The following TPRG1 variants were observed in gnomAD, a reference collection of about 807,000 sequenced individuals.
The protein encoded by TPRG1 is tumor protein p63 regulated 1.
TPRG1 carries 29 observed loss-of-function variants against 29.3 expected under a neutral mutation model. The observed-to-expected ratio is 0.99, with a 90% CI of 0.74 to 1.35. The LOEUF (loss-of-function observed/expected upper bound fraction) is 1.35, where lower values mean the gene tolerates loss of function less well. Ranked by LOEUF, TPRG1 falls within the 40% of genes most tolerant of loss-of-function variation. TPRG1 has a pLI of 0.00. For missense variants in TPRG1, 327 were observed against 335.0 expected (o/e 0.98, Z 0.19); for synonymous variants, 130 against 116.8 (o/e 1.11, Z -0.73).
chr3:189,038,253 A>C (rs965307175), intron 4 of TPRG1, among the ~76,000 whole-genome samples: 6 of 152,082 alleles, frequency 3.9e-5, no homozygotes, highest in Admixed American at 2.6e-4. Context: ...AATTAAGGTG[A>C]CTATTTTAAT....
chr3:189,181,937 G>A (rs1385406156), intron 1 of TPRG1, among the ~76,000 whole-genome samples: 1 of 152,186 alleles, frequency 6.6e-6, no homozygotes, highest in Non-Finnish European at 1.5e-5. Context: ...CATGGTGGAA[G>A]GCAAGGAGGA....
Position 189,190,025 on chromosome 3 carries a change from A to T in TPRG1, c.-9-17351A>T, listed in dbSNP as rs1028373927. 5.3e-5 allele frequency among the ~76,000 whole-genome samples: 8 copies of T among 152,200 alleles called. 1 individual carries two copies. The highest frequency in any genetic ancestry group is 5.2e-4 in the Admixed American group (8 of 15,276). On this transcript the variant is annotated intron_variant, in intron 1 of 5. Transcript: ENST00000345063. ...AGAGCTTCTCTCATAGTTAACAGGG[A>T]ATACATTTGAGAGTCGCATCATTTA...
At chr3:189,066,635 TA>T (rs111327390) in intron 4 of TPRG1, among the ~76,000 whole-genome samples, 12,076 of 141,792 alleles carry the variant, frequency 0.085, 1,142 homozygotes, top group African/African-American at 0.24. Flanking sequence ...ATAAAAACCT[TA>T]AAAAAAAAAA....
intron 4 of TPRG1, among the ~76,000 whole-genome samples, chr3:189,047,966 A>G (rs1715080251): frequency 6.6e-6 from 1 of 152,192 alleles, no homozygotes; most frequent in Non-Finnish European, 1.5e-5. Flanking sequence ...ACTTATTCCA[A>G]ACTTCTGTTA....
At chr3:189,041,951 A>G (rs1714660737) in intron 4 of TPRG1, among the ~76,000 whole-genome samples, 1 of 152,094 alleles carries the variant, frequency 6.6e-6, no homozygotes, top group South Asian at 2.1e-4. Context: ...GCCTCACCCA[A>G]TAATTTGGAT....
chr3:189,014,873 C>A (rs1712838716), intron 3 of TPRG1, among the ~76,000 whole-genome samples: 1 of 152,080 alleles, frequency 6.6e-6, no homozygotes, highest in Admixed American at 6.6e-5. Context: ...TCAGGTAGTA[C>A]TTTATAGCAG....
At chr3:189,058,310 A>G (rs1163601938) in intron 4 of TPRG1, among the ~76,000 whole-genome samples, 1 of 152,172 alleles carries the variant, frequency 6.6e-6, no homozygotes, top group Non-Finnish European at 1.5e-5. Flanking sequence ...CCTTAAATCC[A>G]TCTCTGACAT....
In TPRG1 at chr3:189,238,791, T is replaced by C. The variant is rs1739986031; in HGVS notation, c.361T>C (p.Leu121=). The change falls in exon 4 of 6, where the codon TTG becomes CTG. Residue 121 remains leucine, a synonymous_variant. Transcript: ENST00000345063. ...RILLVTDKTL[L]ICKYDFIMLS... Reference sequence around the variant, plus strand: ...TCTACTGGTCACAGACAAGACTCTCTTGATCTGCAAATACGACTTCATCAT... The same window carrying C: ...TCTACTGGTCACAGACAAGACTCTCCTGATCTGCAAATACGACTTCATCAT... 3 of 1,613,812 alleles carry C rather than the reference T, an allele frequency of 1.9e-6. No individual in the cohort carries two copies. The East Asian group carries it at 6.7e-5, about 36-fold the overall frequency.
chr3:189,228,595 A>G (rs1186148461), intron 3 of TPRG1, among the ~76,000 whole-genome samples: 2 of 152,210 alleles, frequency 1.3e-5, no homozygotes, highest in African/African-American at 4.8e-5. Context: ...AAAACAAAAA[A>G]GAGGAAAACT....
intron 3 of TPRG1, among the ~76,000 whole-genome samples, chr3:189,019,442 GA>G (rs1409164314): frequency 5.3e-5 from 8 of 152,152 alleles, no homozygotes; most frequent in Admixed American, 1.3e-4. Context: ...TTAGCATGAA[GA>G]GTTGTTGAAT....
At chr3:189,023,032 A>G (rs1359292885) in intron 3 of TPRG1, among the ~76,000 whole-genome samples, 1 of 152,078 alleles carries the variant, frequency 6.6e-6, no homozygotes, top group African/African-American at 2.4e-5. Flanking sequence ...CGGAAAGGGA[A>G]CTCCCTGACC....
intron 1 of TPRG1, among the ~76,000 whole-genome samples, chr3:189,117,557 A>C (rs372806370): frequency 1.3e-5 from 2 of 152,256 alleles, no homozygotes; most frequent in East Asian, 3.9e-4. Flanking sequence ...CTGTGTCCTC[A>C]CCCAAATCTC....
chr3:189,170,218 G>A (rs1728652954), upstream of TPRG1, among the ~76,000 whole-genome samples: 1 of 152,098 alleles, frequency 6.6e-6, no homozygotes, highest in Non-Finnish European at 1.5e-5. Context: ...TATTTGCCTC[G>A]CAATTATTTC....
intron 1 of TPRG1, among the ~76,000 whole-genome samples, chr3:189,116,402 C>T (rs1364485552): frequency 6.6e-6 from 1 of 152,134 alleles, no homozygotes; most frequent in African/African-American, 2.4e-5. Context: ...TGGTGTTGAA[C>T]TCCTGACCTC....
chr3:189,260,603 C>T (rs566763808), intron 4 of TPRG1, among the ~76,000 whole-genome samples: 1 of 152,296 alleles, frequency 6.6e-6, no homozygotes, highest in South Asian at 2.1e-4. Context: ...GCAGGGAGGT[C>T]AGGCCAAGAA....
At chr3:189,068,716 C>T (rs530805442) in intron 4 of TPRG1, among the ~76,000 whole-genome samples, 22 of 151,664 alleles carry the variant, frequency 1.5e-4, no homozygotes, top group East Asian at 3.9e-4. Flanking sequence ...GCGGAGGTTG[C>T]GGTGAGCCGA....
intron 1 of TPRG1, among the ~76,000 whole-genome samples, chr3:189,182,876 T>G (rs1207693684): frequency 6.6e-6 from 1 of 152,214 alleles, no homozygotes; most frequent in African/African-American, 2.4e-5. Flanking sequence ...ATGTATACAT[T>G]GCAAAATGAT....
At chr3:189,217,652 C>T (rs969488810) in intron 3 of TPRG1, among the ~76,000 whole-genome samples, 3 of 152,168 alleles carry the variant, frequency 2.0e-5, no homozygotes, top group Non-Finnish European at 4.4e-5. Context: ...TTGTTAAAAA[C>T]CTCATCGTGG....
At position 189,280,624 on chromosome 3, in the gene TPRG1, T is replaced by C. The variant is rs4541400; in HGVS notation, c.480-29762T>C. On this transcript the variant is annotated intron_variant, in intron 4 of 5. Transcript: ENST00000345063. ...TGCACATGGAGGCCAACAAGAAGCT[T>C]GGGGAAGGTAAAGGGAAGGTGATTG... Among the ~76,000 whole-genome samples the C allele has an allele frequency of 2.6e-3, 402 of 152,116 alleles. 4 individuals are homozygous for C. In the East Asian group the frequency reaches 0.028, roughly 10 times the overall value.
Sources: gnomAD v4.1 joint callset for allele counts (sites outside exome capture counted in the v4.1 genomes callset) on GRCh38, gnomAD v4.1.1 for gene constraint, MANE v1.5 for transcripts, NCBI Gene and HGNC (gene_info 2026-07-23, HGNC 2026-07-21) for gene names.